The following SLC6A3 variants were observed in gnomAD, a reference collection of about 807,000 sequenced individuals.
SLC6A3 encodes the protein solute carrier family 6 member 3.
A neutral mutation model predicts 70.4 loss-of-function variants in SLC6A3; 19 were observed. The ratio of observed to expected loss-of-function variants is 0.27; its 90% CI spans 0.19 to 0.40. SLC6A3 has a LOEUF of 0.40. Among genes scored for constraint, SLC6A3 ranks in the 10% least tolerant of loss-of-function variants. The probability of loss-of-function intolerance (pLI) is 1.00; values close to 1 mark genes in which losing one functional copy is unlikely to be tolerated. For missense variants in SLC6A3, 613 were observed against 838.5 expected (o/e 0.73, Z 3.32); for synonymous variants, 368 against 356.6 (o/e 1.03, Z -0.36).
chr5:1,443,216 G>C lies in SLC6A3; in HGVS notation c.-19C>G. 6.2e-7 allele frequency: 1 copy of C among 1,613,768 alleles called. No individual in the cohort carries two copies. Among genetic ancestry groups the C allele is most frequent in the Non-Finnish European group, 8.5e-7 (1 of 1,179,690 alleles). The stretch of plus-strand genomic sequence containing the variant: ...TACTCATGGGCACACTGGGAGTTGA[G>C]GAATTCTGTGCTTCTTCCCTCTTGG... On this transcript the variant is annotated 5_prime_UTR_variant, in exon 2 of 15. Coordinates refer to ENST00000270349, the MANE Select transcript of SLC6A3 (RefSeq NM_001044.5).
rs898572587 is a variant in SLC6A3, at chr5:1,436,754, G to A, written c.419-4056C>T. 2.0e-5 allele frequency among the ~76,000 whole-genome samples: 3 copies of A among 152,192 alleles called. No homozygotes were observed. Among genetic ancestry groups the A allele is most frequent in the Non-Finnish European group, 2.9e-5 (2 of 68,028 alleles). ...AACCTGACAAACAGAAGCTGGCTGA[G>A]GGTCGTGCCTGCAAATGGTGCTTCG... is the stretch of plus-strand genomic sequence containing the variant. On this transcript the variant is annotated intron_variant, in intron 3 of 14. Coordinates refer to ENST00000270349, the MANE Select transcript of SLC6A3 (RefSeq NM_001044.5). This position sits in a 1 kb window ranked among gnomAD's most constrained non-coding sequence, Gnocchi z 5.2.
In SLC6A3 at chr5:1,416,133, G is replaced by A. The variant is rs764313621; in HGVS notation, c.996C>T (p.Phe332=). The A allele has an allele frequency of 1.9e-6, 3 of 1,613,970 alleles. No individual in the cohort carries two copies. Among genetic ancestry groups the A allele is most frequent in the Non-Finnish European group, 2.5e-6 (3 of 1,180,010 alleles). The change falls in exon 7 of 15, where the codon TTC becomes TTT. Residue 332 remains phenylalanine (F), a synonymous_variant. Transcript: ENST00000270349. The stretch of plus-strand genomic sequence containing the variant: ...TGTTGGTGAACTTGTTGTAGCTGGA[G>A]AAGGCGATCAGCACCCCGAACCCCA... ...LGVGFGVLIA[F]SSYNKFTNNC...
At chr5:1,431,608 C>T (rs1444772591) in intron 4 of SLC6A3, among the ~76,000 whole-genome samples, 1 of 148,422 alleles carries the variant, frequency 6.7e-6, no homozygotes, top group Non-Finnish European at 1.5e-5. Flanking sequence ...GAGGGGCGGG[C>T]CTGGCCGGGG....
At chr5:1,433,008 A>G (rs539800086) in intron 3 of SLC6A3, among the ~76,000 whole-genome samples, 32 of 152,222 alleles carry the variant, frequency 2.1e-4, no homozygotes, top group African/African-American at 7.7e-4. Flanking sequence ...TATGGCGAGT[A>G]TCCAGGGCCA....
chr5:1,428,368 C>G (rs1346547490), intron 4 of SLC6A3, among the ~76,000 whole-genome samples: 1 of 152,102 alleles, frequency 6.6e-6, no homozygotes, highest in East Asian at 1.9e-4. Context: ...AAATTAATAG[C>G]TTTAATTTAT....
chr5:1,410,863 C>T (rs182311367), intron 9 of SLC6A3, among the ~76,000 whole-genome samples: 182 of 151,060 alleles, frequency 1.2e-3, no homozygotes, highest in African/African-American at 3.5e-3. Flanking sequence ...TGTATGTGTG[C>T]GTGTGTGCAT....
chr5:1,434,145 C>T (rs1042389354), intron 3 of SLC6A3, among the ~76,000 whole-genome samples: 1 of 152,238 alleles, frequency 6.6e-6, no homozygotes, highest in South Asian at 2.1e-4. Flanking sequence ...GTGGAGCCAT[C>T]CAAGGTCACA....
chr5:1,439,638 G>T (rs1756925721), intron 3 of SLC6A3, among the ~76,000 whole-genome samples: 1 of 152,216 alleles, frequency 6.6e-6, no homozygotes, highest in African/African-American at 2.4e-5. Context: ...AATGCGTCCT[G>T]GGGCCGTGCT....
At chr5:1,419,132 TCATC>T (rs1184441266) in intron 6 of SLC6A3, among the ~76,000 whole-genome samples, 90 of 149,354 alleles carry the variant, frequency 6.0e-4, no homozygotes, top group African/African-American at 1.7e-3. Context: ...CATCATCCAT[TCATC>T]CATCCATCCA....
Position 1,411,406 on chromosome 5 carries a change from G to A in SLC6A3, c.1157-51C>T, listed in dbSNP as rs754290686. 89 of 1,325,834 alleles carry A rather than the reference G, an allele frequency of 6.7e-5. No individual in the cohort carries two copies. Among genetic ancestry groups the A allele is most frequent in the Non-Finnish European group, 8.3e-5 (78 of 944,742 alleles). 82.1% of individuals were successfully genotyped at this position (1,325,834 alleles called of 1,614,324 possible). On this transcript the variant is annotated intron_variant, in intron 8 of 14. Transcript: ENST00000270349. The surrounding 1 kb of genome is among the most constrained non-coding windows in gnomAD (Gnocchi z 6.5). ...CACAGAGCCCACGCTGTGCTCTCCC[G>A]CCCATCCTGCCCCACCCCGCCCCGA...
intron 4 of SLC6A3, among the ~76,000 whole-genome samples, chr5:1,428,657 C>T (rs1316129582): frequency 6.6e-6 from 1 of 152,174 alleles, no homozygotes; most frequent in Non-Finnish European, 1.5e-5. Context: ...CCCCTGGGGG[C>T]CAGGGGTGCC....
rs1341376261 is a variant in SLC6A3 at position 1,402,187 on chromosome 5, T to G, written c.1767+735A>C. 1.3e-5 allele frequency among the ~76,000 whole-genome samples: 2 copies of G among 151,890 alleles called. No homozygotes were observed. Among genetic ancestry groups the G allele is most frequent in the Non-Finnish European group, 2.9e-5 (2 of 67,978 alleles). On this transcript the variant is annotated intron_variant, in intron 13 of 14. Transcript: ENST00000270349. The surrounding 1 kb of genome is among the most constrained non-coding windows in gnomAD (Gnocchi z 8.5). ...AAGGCTGGGATTTGAGGAAGCAGCTTCCGGGAGTTCCCAGTGGTGGGATCT... is the reference window on the plus strand; with the variant it reads ...AAGGCTGGGATTTGAGGAAGCAGCTGCCGGGAGTTCCCAGTGGTGGGATCT...
rs528589234 is a variant in SLC6A3, at chr5:1,441,350, G to T, written c.418+9C>A. ...TGCGCCAGGGTGAAGGGAGGCACCC[G>T]CATATTACCTTTCAGTATGGGGCAG... On this transcript the variant is annotated intron_variant, in intron 3 of 14. Coordinates refer to ENST00000270349, the MANE Select transcript of SLC6A3 (RefSeq NM_001044.5). 6 of 1,614,044 alleles carry T rather than the reference G, an allele frequency of 3.7e-6. No homozygotes were observed. In the South Asian group the frequency reaches 5.5e-5, roughly 15 times the overall value.
At chr5:1,398,386 T>C (rs908127459) in intron 14 of SLC6A3, among the ~76,000 whole-genome samples, 1 of 141,980 alleles carries the variant, frequency 7.0e-6, no homozygotes, top group African/African-American at 2.7e-5. Flanking sequence ...AAGAATAAAG[T>C]ATGTAAGTTC....
chr5:1,434,904 A>G (rs1306845037), intron 3 of SLC6A3, among the ~76,000 whole-genome samples: 1 of 152,210 alleles, frequency 6.6e-6, no homozygotes, highest in Non-Finnish European at 1.5e-5. Flanking sequence ...AACAAATCTA[A>G]GATCAGGAGT....
Position 1,411,318 on chromosome 5 carries a change from G to C in SLC6A3, c.1194C>G (p.Ile398Met), listed in dbSNP as rs765232850. The change falls in exon 9 of 15, where the codon ATC becomes ATG. Residue 398 changes from isoleucine (I) to methionine (M), a missense_variant. Coordinates refer to ENST00000270349, the MANE Select transcript of SLC6A3 (RefSeq NM_001044.5). This position sits in a 1 kb window ranked among gnomAD's most constrained non-coding sequence, Gnocchi z 6.5. ...GLIFIIYPEA[I>M]ATLPLSSAWA... Reference sequence around the variant, plus strand: ...AGGCTGAGGACAGAGGGAGCGTGGCGATGGCTTCCGGGTAGATGATGAAGA... The same window carrying C: ...AGGCTGAGGACAGAGGGAGCGTGGCCATGGCTTCCGGGTAGATGATGAAGA... 1.3e-6 allele frequency: 2 copies of C among 1,553,362 alleles called. No individual in the cohort carries two copies. The highest frequency in any genetic ancestry group is 2.4e-5 in the East Asian group (1 of 41,192).
intron 6 of SLC6A3, among the ~76,000 whole-genome samples, chr5:1,417,358 C>T (rs1051486866): frequency 6.6e-6 from 1 of 152,242 alleles, no homozygotes; most frequent in Non-Finnish European, 1.5e-5. Context: ...ACCCTGATAA[C>T]CCTCAGAAAG....
chr5:1,428,896 T>C (rs1461097939), intron 4 of SLC6A3, among the ~76,000 whole-genome samples: 1 of 152,266 alleles, frequency 6.6e-6, no homozygotes, highest in East Asian at 1.9e-4. Context: ...CTTTCAGATC[T>C]ACTCTTGCTA....
intron 14 of SLC6A3, among the ~76,000 whole-genome samples, chr5:1,400,593 G>A (rs1755825183): frequency 6.6e-6 from 1 of 152,156 alleles, no homozygotes; most frequent in South Asian, 2.1e-4. Flanking sequence ...TCCCTTGCTG[G>A]TCCTTAACCT....
Sources: gnomAD v4.1 joint callset for allele counts (sites outside exome capture counted in the v4.1 genomes callset) on GRCh38, gnomAD v4.1.1 for gene constraint, Gnocchi (gnomAD v3.1) non-coding constraint, MANE v1.5 for transcripts, NCBI Gene and HGNC (gene_info 2026-07-23, HGNC 2026-07-21) for gene names.